MTMR2: variants seen among roughly 807,000 people sequenced by gnomAD.
MTMR2 encodes the protein phosphatidylinositol-3,5-bisphosphate 3-phosphatase MTMR2.
MTMR2 carries 55 observed loss-of-function variants against 86.9 expected under a neutral mutation model. That is an observed-to-expected ratio of 0.63 (90% CI 0.51 to 0.79). The LOEUF is 0.79. Ranked by LOEUF, MTMR2 falls within the 30% of genes least tolerant of loss-of-function variation. MTMR2 has a pLI of 0.00. For missense variants in MTMR2, 659 were observed against 772.3 expected (o/e 0.85, Z 1.74); for synonymous variants, 241 against 266.8 (o/e 0.90, Z 0.94).
chr11:95,867,156 G>T (rs185878632), intron 2 of MTMR2, among the ~76,000 whole-genome samples: 28 of 152,122 alleles, frequency 1.8e-4, no homozygotes, highest in Non-Finnish European at 1.5e-5. Flanking sequence ...AATCAACCAC[G>T]TGAAAGATTA....
Position 95,835,075 on chromosome 11 carries a change from G to C in MTMR2, c.*215C>G. 1.8e-6 allele frequency: 1 copy of C among 563,574 alleles called. No homozygotes were observed. The highest frequency in any genetic ancestry group is 2.2e-5 in the South Asian group (1 of 46,480). 34.9% of individuals were successfully genotyped at this position (563,574 alleles called of 1,614,324 possible). A position where few individuals can be genotyped will look rare whatever the true frequency, so the allele number is the denominator to read the frequency against. On this transcript the variant is annotated 3_prime_UTR_variant, in exon 15 of 15. Transcript: ENST00000346299. ...TTTAATATTCTTTGGATACTTAAAAGATTAGTATCATAATCATGTAATTAC... is the reference window on the plus strand; with the variant it reads ...TTTAATATTCTTTGGATACTTAAAACATTAGTATCATAATCATGTAATTAC...
At chr11:95,869,750 G>A (rs192796801) in intron 2 of MTMR2, among the ~76,000 whole-genome samples, 59 of 152,302 alleles carry the variant, frequency 3.9e-4, no homozygotes, top group African/African-American at 1.4e-3. Context: ...TAAAAATGGA[G>A]TAAAAGTTTA....
At chr11:95,902,523 C>G (rs1350664585) in intron 1 of MTMR2, among the ~76,000 whole-genome samples, 1 of 152,110 alleles carries the variant, frequency 6.6e-6, no homozygotes, top group Non-Finnish European at 1.5e-5. Context: ...ATACTTTTAC[C>G]TCTATTTTCA....
At chr11:95,890,176 C>A (rs1048713783) in intron 1 of MTMR2, among the ~76,000 whole-genome samples, 1 of 151,988 alleles carries the variant, frequency 6.6e-6, no homozygotes, top group Non-Finnish European at 1.5e-5. Context: ...TACTATTATA[C>A]AAAAAAGCAG....
chr11:95,868,133 T>A (rs1864687233), intron 2 of MTMR2, among the ~76,000 whole-genome samples: 1 of 151,354 alleles, frequency 6.6e-6, no homozygotes. Flanking sequence ...TGGGCAGGCA[T>A]GGCATCACGG....
rs1202711347 is a variant in MTMR2, at chr11:95,871,277, G to A, written c.187-5601C>T. Among the ~76,000 whole-genome samples, 4 of 152,240 alleles carry A rather than the reference G, an allele frequency of 2.6e-5. No individual in the cohort carries two copies. The Middle Eastern group carries it at 0.01, about 388-fold the overall frequency. On this transcript the variant is annotated intron_variant, in intron 2 of 14. Transcript: ENST00000346299. ...CAGTAATGGGATGGCTGGGTCAAAT[G>A]GTATTTCTAGTTCTAGATCCCTGAG...
rs1425192819 is a variant in MTMR2, at chr11:95,888,280, C to T, written c.81-19G>A. On this transcript the variant is annotated intron_variant, in intron 1 of 14. Transcript: ENST00000346299. Reference sequence around the variant, plus strand: ...GGAGGCACTACAAAATACAAAAGTACAGTATGTTGGAAAAATGGGGGCTTC... The same window carrying T: ...GGAGGCACTACAAAATACAAAAGTATAGTATGTTGGAAAAATGGGGGCTTC... The T allele has an allele frequency of 1.9e-6, 3 of 1,560,610 alleles. No homozygotes were observed. Among genetic ancestry groups the T allele is most frequent in the South Asian group, 2.2e-5 (2 of 90,150 alleles).
chr11:95,849,866 A>G lies in MTMR2; in HGVS notation c.805-4T>C, dbSNP rs769400773. Reference sequence around the variant, plus strand: ...CAGGATGAATCCATGATAAAACCTTAATGAGGAAAAAATGGTAACACACCT... The same window carrying G: ...CAGGATGAATCCATGATAAAACCTTGATGAGGAAAAAATGGTAACACACCT... On this transcript the variant is annotated splice_region_variant and splice_polypyrimidine_tract_variant and intron_variant, in intron 8 of 14. Transcript: ENST00000346299. 3.0e-5 allele frequency: 47 copies of G among 1,592,660 alleles called. No homozygotes were observed. Among genetic ancestry groups the G allele is most frequent in the Non-Finnish European group, 1.4e-5 (16 of 1,163,098 alleles).
At chr11:95,878,311 C>G (rs755642621) in intron 2 of MTMR2, among the ~76,000 whole-genome samples, 1 of 150,498 alleles carries the variant, frequency 6.6e-6, no homozygotes, top group African/African-American at 2.5e-5. Context: ...AAAGAGGTGA[C>G]GCAAAGGGGA....
chr11:95,908,697 A>C (rs1206030073), intron 1 of MTMR2, among the ~76,000 whole-genome samples: 1 of 152,166 alleles, frequency 6.6e-6, no homozygotes, highest in Non-Finnish European at 1.5e-5. Context: ...CTGCCTTCCT[A>C]CAATCATCTG....
intron 7 of MTMR2, among the ~76,000 whole-genome samples, chr11:95,854,991 G>A (rs1016246509): frequency 6.7e-6 from 1 of 149,502 alleles, no homozygotes; most frequent in African/African-American, 2.5e-5. Flanking sequence ...TGTATTTTTG[G>A]TAGAGACAGG....
chr11:95,852,129 GC>G (rs1308764211), intron 7 of MTMR2, among the ~76,000 whole-genome samples: 1 of 152,162 alleles, frequency 6.6e-6, no homozygotes. Context: ...CATTTACTGA[GC>G]ATCTACTATG....
intron 10 of MTMR2, among the ~76,000 whole-genome samples, chr11:95,847,239 C>T (rs117702489): frequency 3.9e-5 from 6 of 152,270 alleles, no homozygotes; most frequent in East Asian, 1.9e-4. Flanking sequence ...CCTATTCACA[C>T]GGATAGTGCT....
chr11:95,905,466 A>G (rs1339720471), intron 1 of MTMR2, among the ~76,000 whole-genome samples: 1 of 152,146 alleles, frequency 6.6e-6, no homozygotes, highest in Non-Finnish European at 1.5e-5. Context: ...CAGAAAATGA[A>G]GTTACTGTTA....
chr11:95,836,461 A>AACTT, intron 13 of MTMR2, 137 bp from the exon 14 acceptor site: 5 of 766,918 alleles, frequency 6.5e-6, no homozygotes, highest in Admixed American at 2.0e-5. Context: ...GTGATAAACC[A>AACTT]ACTTATATTA....
intron 1 of MTMR2, among the ~76,000 whole-genome samples, chr11:95,906,182 G>A (rs1004087644): frequency 6.6e-6 from 1 of 152,128 alleles, no homozygotes; most frequent in Admixed American, 6.5e-5. Flanking sequence ...CCGAGATAGT[G>A]CCATTACACT....
chr11:95,907,406 T>A (rs971928996), intron 1 of MTMR2, among the ~76,000 whole-genome samples: 1 of 151,826 alleles, frequency 6.6e-6, no homozygotes, highest in African/African-American at 2.4e-5. Context: ...CAGGACCAGA[T>A]GGATTCACAG....
At chr11:95,845,882 T>TAAAAAAAAA (rs201863810) in intron 10 of MTMR2, among the ~76,000 whole-genome samples, 1 of 90,100 alleles carries the variant, frequency 1.1e-5, no homozygotes, top group African/African-American at 5.2e-5. Flanking sequence ...TATGGTATCT[T>TAAAAAAAAA]AAAAAAAAAA....
chr11:95,912,474 T>A (rs1483854699), intron 1 of MTMR2, among the ~76,000 whole-genome samples: 1 of 151,418 alleles, frequency 6.6e-6, no homozygotes, highest in African/African-American at 2.4e-5. Flanking sequence ...AATCATAGAA[T>A]AAAAATGTCT....
Sources: allele counts gnomAD v4.1 joint callset (sites outside exome capture counted in the v4.1 genomes callset), GRCh38; gene constraint gnomAD v4.1.1; transcripts MANE v1.5; gene names NCBI Gene and HGNC (gene_info 2026-07-23, HGNC 2026-07-21).